The following NEIL1 variants were observed in gnomAD, a reference collection of about 807,000 sequenced individuals.
NEIL1 encodes the protein endonuclease 8-like 1.
In NEIL1, 31 loss-of-function variants were observed where a neutral mutation model predicts 44.2. That is an observed-to-expected ratio of 0.70 (90% CI 0.53 to 0.95). The LOEUF is 0.95. NEIL1 is among the 40% of genes least tolerant of loss of function. The probability of loss-of-function intolerance (pLI) is 0.00; values close to 1 mark genes in which losing one functional copy is unlikely to be tolerated. For missense variants in NEIL1, 549 were observed against 515.5 expected, an observed-to-expected ratio of 1.07 and a Z score of -0.63; for synonymous variants, 254 against 209.7, an observed-to-expected ratio of 1.21 and a Z score of -1.83.
intron 2 of NEIL1, chr15:75,351,855 CAAGT>C (rs2071916505): frequency 1.2e-5 from 5 of 403,326 alleles, no homozygotes; most frequent in South Asian, 1.1e-4. Context: ...CTCCTGACCT[CAAGT>C]GATCTGCCCG....
At chr15:75,349,620 C>A (rs533898728) in intron 2 of NEIL1, 41 of 448,744 alleles carry the variant, frequency 9.1e-5, no homozygotes, top group Non-Finnish European at 1.3e-4. Context: ...TCGAGACCAG[C>A]CTGGCCAGTA....
chr15:75,354,826 T>C lies in NEIL1; in HGVS notation c.1102+8T>C, dbSNP rs770245398. ...GGCGACAGGCAGCCTCTGGTGGGCT[T>C]TCCTCATCACTCCCAGAAACTGGCT... On this transcript the variant is annotated splice_region_variant and intron_variant, in intron 9 of 9. Transcript: ENST00000355059. 2 of 1,613,738 alleles carry C rather than the reference T, an allele frequency of 1.2e-6. No homozygotes were observed. The highest frequency in any genetic ancestry group is 1.3e-5 in the African/African-American group (1 of 74,902).
chr15:75,356,790 T>G lies in NEIL1; in HGVS notation c.*1756T>G, dbSNP rs1306037431. The G allele has an allele frequency of 1.5e-5, 24 of 1,613,898 alleles. No individual in the cohort carries two copies. Among genetic ancestry groups the G allele is most frequent in the Non-Finnish European group, 2.0e-5 (24 of 1,180,010 alleles). The stretch of plus-strand genomic sequence containing the variant: ...TCCCAGGCCTGGTGGGTACCCCACT[T>G]ACAGCGAGAGGCTGAGGATGCTGCC... On this transcript the variant is annotated 3_prime_UTR_variant, in exon 10 of 10. Transcript: ENST00000355059. This position sits in a 1 kb window ranked among gnomAD's most constrained non-coding sequence, Gnocchi z 5.8.
intron 2 of NEIL1, chr15:75,349,604 A>C (rs2071724093): frequency 4.1e-6 from 2 of 488,410 alleles, no homozygotes; most frequent in South Asian, 5.6e-5. Context: ...TCACGAGGTC[A>C]GGAGTTCGAG....
chr15:75,349,483 C>T (rs2141309931), intron 2 of NEIL1, 144 bp downstream of exon 2: 1 of 791,084 alleles, frequency 1.3e-6, no homozygotes, highest in Non-Finnish European at 2.0e-6. Flanking sequence ...TATACCTGTC[C>T]TGGGTCAGCT....
chr15:75,348,728 G>C (rs905101103), intron 1 of NEIL1, 156 bp from the exon 2 acceptor site: 34 of 1,436,558 alleles, frequency 2.4e-5, no homozygotes, highest in African/African-American at 2.9e-5. Context: ...GTCCGGGTAG[G>C]GGATTGAGGG....
In NEIL1 at chr15:75,352,357, G is replaced by T. The variant is rs754923072; in HGVS notation, c.588G>T (p.Ser196=). 4 of 1,613,922 alleles carry T rather than the reference G, an allele frequency of 2.5e-6. No homozygotes were observed. In the African/African-American group the frequency reaches 5.3e-5, roughly 22 times the overall value. Residue 196 remains serine, a synonymous_variant, in exon 4 of 10, where the codon TCG becomes TCT. Transcript: ENST00000355059. ...LKIPPFEKAR[S]VLEALQQHRP... ...TCCCCCCCTTTGAGAAGGCCCGCTC[G>T]GTCCTGGAGGCCCTGCAGCAGCACA...
At chr15:75,354,181 G>A in intron 6 of NEIL1, 69 bp from the exon 7 acceptor site, 1 of 1,555,596 alleles carries the variant, frequency 6.4e-7, no homozygotes, top group African/African-American at 1.4e-5. Context: ...TGTGAGTCCT[G>A]CCTCTCCAAG....
intron 1 of NEIL1, chr15:75,347,820 C>T (rs1401789575): frequency 2.6e-6 from 3 of 1,150,932 alleles, no homozygotes; most frequent in African/African-American, 1.6e-5. Context: ...GAGCGCCGCT[C>T]CTCCCCAAAA....
At chr15:75,347,796 G>A in intron 1 of NEIL1, 1 of 1,131,084 alleles carries the variant, frequency 8.8e-7, no homozygotes, top group Non-Finnish European at 1.1e-6. Flanking sequence ...GGGGCATGGG[G>A]AGGACGGGCC....
At chr15:75,352,764 GTCCC>G (rs962739134) in intron 5 of NEIL1, 63 bp downstream of exon 5, 28 of 1,336,424 alleles carry the variant, frequency 2.1e-5, no homozygotes, top group Middle Eastern at 1.8e-4. Context: ...TGGGGCACTT[GTCCC>G]TCTCTGGACC....
Position 75,348,882 on chromosome 15 carries a change from A to T in NEIL1, c.-22-2A>T. 1 of 1,605,656 alleles carries T rather than the reference A, an allele frequency of 6.2e-7. No homozygotes were observed. The highest frequency in any genetic ancestry group is 8.5e-7 in the Non-Finnish European group (1 of 1,177,688). On this transcript the variant is annotated splice_acceptor_variant, in intron 1 of 9. Coordinates refer to ENST00000355059, the MANE Select transcript of NEIL1 (RefSeq NM_024608.4). LOFTEE classifies it low-confidence loss of function (5UTR_SPLICE). ...TCAACCCGCTGCCTTCCTCCCCAAC[A>T]GGACTCTGCCACCCTCCCTCAGGAT...
Position 75,355,990 on chromosome 15 carries a change from G to A in NEIL1, c.*956G>A, listed in dbSNP as rs771954600. 1.9e-6 allele frequency: 3 copies of A among 1,613,992 alleles called. No homozygotes were observed. The highest frequency in any genetic ancestry group is 1.7e-5 in the Admixed American group (1 of 59,988). On this transcript the variant is annotated 3_prime_UTR_variant, in exon 10 of 10. Coordinates refer to ENST00000355059, the MANE Select transcript of NEIL1 (RefSeq NM_024608.4). The stretch of plus-strand genomic sequence containing the variant: ...TGAGCTTCAGGCGGTTGTCCCGAAG[G>A]GTCAAGTGGCCAGCAGGGTCTGGTC...
chr15:75,356,707 G>A lies in NEIL1; in HGVS notation c.*1673G>A, dbSNP rs1223026262. 6.2e-7 allele frequency: 1 copy of A among 1,610,010 alleles called. No homozygotes were observed. Among genetic ancestry groups the A allele is most frequent in the Admixed American group, 1.7e-5 (1 of 59,382 alleles). On this transcript the variant is annotated 3_prime_UTR_variant, in exon 10 of 10. Coordinates refer to ENST00000355059, the MANE Select transcript of NEIL1 (RefSeq NM_024608.4). The surrounding 1 kb of genome is among the most constrained non-coding windows in gnomAD (Gnocchi z 5.8). ...CAAGCTGGGGTGAGGAGGGCGCGTA[G>A]GGGCCACGCTGAAGCTGTTGGAGTT... is the stretch of plus-strand genomic sequence containing the variant.
chr15:75,355,322 G>A lies in NEIL1; in HGVS notation c.*288G>A, dbSNP rs1198745742. 6 of 391,212 alleles carry A rather than the reference G, an allele frequency of 1.5e-5. No individual in the cohort carries two copies. The highest frequency in any genetic ancestry group is 2.8e-5 in the Non-Finnish European group (6 of 213,566). 24.2% of individuals were successfully genotyped at this position (391,212 alleles called of 1,614,324 possible). ...TCCGGTCCTGGTGACAGAAGGCCCA[G>A]CTCCTCACAAGGCAAACTGAGCCCC... On this transcript the variant is annotated 3_prime_UTR_variant, in exon 10 of 10. Coordinates refer to ENST00000355059, the MANE Select transcript of NEIL1 (RefSeq NM_024608.4).
In NEIL1 at chr15:75,348,926, GCACCTGGCCAGC is replaced by G; in HGVS notation, c.24_35del (p.His8_Ser11del). ...TCAGGATGCCTGAGGGCCCCGAGCT[GCACCTGGCCAGC>G]CAGTTTGTGAATGAGGCCTGCAGGG... On this transcript the variant is annotated inframe_deletion, in exon 2 of 10. Coordinates refer to ENST00000355059, the MANE Select transcript of NEIL1 (RefSeq NM_024608.4). The G allele has an allele frequency of 6.2e-7, 1 of 1,612,346 alleles. No homozygotes were observed. The highest frequency in any genetic ancestry group is 8.5e-7 in the Non-Finnish European group (1 of 1,179,978).
At chr15:75,353,288 G>A (rs868591938) in intron 5 of NEIL1, 3 of 269,376 alleles carry the variant, frequency 1.1e-5, no homozygotes, top group South Asian at 8.3e-5. Flanking sequence ...ATAGGATCTT[G>A]CCATGTTGCC....
At position 75,352,052 on chromosome 15, in the gene NEIL1, T is replaced by C. The variant is rs770305787; in HGVS notation, c.435-59T>C. ...CCCAGAAACAGGTTCTCTGAGCCCC[T>C]CTCCCCATCCCATGGAGGGTGGGGA... is the stretch of plus-strand genomic sequence containing the variant. On this transcript the variant is annotated intron_variant, in intron 2 of 9. Coordinates refer to ENST00000355059, the MANE Select transcript of NEIL1 (RefSeq NM_024608.4). 6 of 1,559,734 alleles carry C rather than the reference T, an allele frequency of 3.8e-6. No individual in the cohort carries two copies. In the South Asian group the frequency reaches 5.6e-5, roughly 15 times the overall value.
rs752228554 is a variant in NEIL1 at position 75,349,197 on chromosome 15, C to T, written c.292C>T (p.His98Tyr). 2.5e-6 allele frequency: 4 copies of T among 1,609,286 alleles called. No homozygotes were observed. The highest frequency in any genetic ancestry group is 2.5e-6 in the Non-Finnish European group (3 of 1,179,898). Residue 98 changes from histidine (H) to tyrosine (Y), a missense_variant, in exon 2 of 10, where the codon CAC becomes TAC. His to Tyr is a moderately conservative substitution (Grantham distance 83). Coordinates refer to ENST00000355059, the MANE Select transcript of NEIL1 (RefSeq NM_024608.4). ...VPREELPRHA[H>Y]LRFYTAPPGP... ...CCGCGAGGAGCTGCCACGCCATGCC[C>T]ACCTGCGCTTTTACACGGCCCCGCC... is the stretch of plus-strand genomic sequence containing the variant.
Sources: allele counts gnomAD v4.1 joint callset, GRCh38; gene constraint gnomAD v4.1.1; non-coding constraint Gnocchi (gnomAD v3.1); transcripts MANE v1.5; gene names NCBI Gene and HGNC (gene_info 2026-07-23, HGNC 2026-07-21).